Variants in LRP2 observed in about 807,000 individuals in gnomAD.
LRP2 encodes the protein LDL receptor related protein 2.
Under a neutral mutation model 531.0 loss-of-function variants are expected in LRP2, and 172 were observed. The ratio of observed to expected loss-of-function variants is 0.32; its 90% CI spans 0.29 to 0.37. The LOEUF is 0.37. Among genes scored for constraint, LRP2 ranks in the 10% least tolerant of loss-of-function variants. The pLI, the probability that LRP2 is intolerant of heterozygous loss-of-function variation, is 1.00. For missense variants in LRP2, 5,167 were observed against 5,868.3 expected (o/e 0.88, Z 3.90); for synonymous variants, 1,992 against 2,027.6 (o/e 0.98, Z 0.47).
In LRP2 at chr2:169,243,188, C is replaced by G. The variant is rs1689872599; in HGVS notation, c.3551-116G>C. On this transcript the variant is annotated intron_variant, in intron 23 of 78. Transcript: ENST00000649046. ...TTCTGGAGTACATATGCAGAACATG[C>G]AGGTTTGTTACATAGGTATACACGT... 3.1e-6 allele frequency: 3 copies of G among 958,236 alleles called. No homozygotes were observed. The South Asian group carries it at 4.1e-5, about 13-fold the overall frequency. The allele number at this position is 958,236 out of a possible 1,614,324, so 59.4% of individuals were successfully genotyped here. A position where few individuals can be genotyped will look rare whatever the true frequency, so the allele number is the denominator to read the frequency against.
chr2:169,169,580 G>A, intron 60 of LRP2, 122 bp downstream of exon 60: 1 of 795,456 alleles, frequency 1.3e-6, no homozygotes, highest in South Asian at 1.4e-5. Flanking sequence ...ATCATTATCA[G>A]TGCATGCTGA....
At position 169,175,947 on chromosome 2, in the gene LRP2, A is replaced by C. The variant is rs184447958; in HGVS notation, c.10571+464T>G. Among the ~76,000 whole-genome samples, 4 of 152,356 alleles carry C rather than the reference A, an allele frequency of 2.6e-5. No homozygotes were observed. In the East Asian group the frequency reaches 7.7e-4, roughly 29 times the overall value. ...TATCAATGGGCCTGTGGACATTGTT[A>C]AGAAAATAATCTGTGGCCATGTTTC... On this transcript the variant is annotated intron_variant, in intron 54 of 78. Transcript: ENST00000649046.
At chr2:169,209,729 C>T (rs981875411) in intron 37 of LRP2, 88 bp from the exon 38 acceptor site, 4 of 1,243,124 alleles carry the variant, frequency 3.2e-6, no homozygotes, top group Non-Finnish European at 4.6e-6. Flanking sequence ...CCCTCATTCC[C>T]AACCCCCTGC....
chr2:169,239,897 G>A (rs1295367575), intron 25 of LRP2, 122 bp from the exon 26 acceptor site: 1 of 833,648 alleles, frequency 1.2e-6, no homozygotes, highest in Non-Finnish European at 2.0e-6. Context: ...CCAGACAAGA[G>A]CTAAGTGCAG....
rs765304399 is a variant in LRP2, at chr2:169,181,589, C to T, written c.10028G>A (p.Arg3343His). Residue 3343 changes from arginine to histidine, a missense_variant, in exon 52 of 79, where the codon CGC (arginine) becomes CAC (histidine). Around this residue, in one of 6 missense-constraint regions of LRP2, gnomAD observed 1,129 missense variants for 1,362.7 expected, o/e 0.83. Transcript: ENST00000649046. ...GYLYWADWGHRAYIGRVGMDG... is the reference protein window; with the variant it reads ...GYLYWADWGHHAYIGRVGMDG... Reference sequence around the variant, plus strand: ...CATGCCTACTCTCCCAATGTATGCGCGGTGACCCCAGTCTGCCCAGTAGAG... The same window carrying T: ...CATGCCTACTCTCCCAATGTATGCGTGGTGACCCCAGTCTGCCCAGTAGAG... 66 of 1,613,934 alleles carry T rather than the reference C, an allele frequency of 4.1e-5. No individual in the cohort carries two copies. Among genetic ancestry groups the T allele is most frequent in the Admixed American group, 8.3e-5 (5 of 59,988 alleles).
At chr2:169,324,713 TTAAGA>T (rs1410044550) in intron 1 of LRP2, among the ~76,000 whole-genome samples, 8 of 151,734 alleles carry the variant, frequency 5.3e-5, no homozygotes, top group Non-Finnish European at 1.0e-4. Flanking sequence ...TAAGAATGTG[TTAAGA>T]TAAGATATTA....
At chr2:169,230,316 G>A (rs866767928) in intron 31 of LRP2, among the ~76,000 whole-genome samples, 1 of 152,208 alleles carries the variant, frequency 6.6e-6, no homozygotes, top group African/African-American at 2.4e-5. Flanking sequence ...ATAAGTCTCT[G>A]AGGAAAAATG....
rs779435296 is a variant in LRP2 at position 169,206,003 on chromosome 2, C to G, written c.7556+20G>C. On this transcript the variant is annotated intron_variant, in intron 40 of 78. Transcript: ENST00000649046. ...CAGAAATAAGCAGACAGAAATATAA[C>G]AAGGAAGATGATGGCATACCCTTGG... 1.2e-6 allele frequency: 2 copies of G among 1,613,978 alleles called. No individual in the cohort carries two copies. The highest frequency in any genetic ancestry group is 4.5e-5 in the East Asian group (2 of 44,888).
intron 38 of LRP2, among the ~76,000 whole-genome samples, chr2:169,208,662 G>T (rs889327884): frequency 1.3e-5 from 2 of 151,996 alleles, no homozygotes; most frequent in Non-Finnish European, 2.9e-5. Flanking sequence ...TCACCATGTT[G>T]GTCAGGCTGG....
intron 12 of LRP2, among the ~76,000 whole-genome samples, chr2:169,278,455 G>A (rs761854129): frequency 6.6e-6 from 1 of 151,982 alleles, no homozygotes; most frequent in Non-Finnish European, 1.5e-5. Flanking sequence ...CTGCACTCCA[G>A]CCTGGGCAAC....
intron 1 of LRP2, among the ~76,000 whole-genome samples, chr2:169,352,076 C>T (rs1018471242): frequency 6.6e-6 from 1 of 152,150 alleles, no homozygotes. Flanking sequence ...AAGCATGGAA[C>T]AGACAGCTTC....
chr2:169,223,491 T>A (rs1230858812), intron 33 of LRP2, among the ~76,000 whole-genome samples: 3 of 152,220 alleles, frequency 2.0e-5, no homozygotes, highest in Admixed American at 1.3e-4. Flanking sequence ...AGTTTGGTAG[T>A]AAGGGTCTTA....
chr2:169,351,616 A>G (rs1450670664), intron 1 of LRP2, among the ~76,000 whole-genome samples: 1 of 152,210 alleles, frequency 6.6e-6, no homozygotes, highest in African/African-American at 2.4e-5. Context: ...AGCTCACTCT[A>G]CATGTGAGAA....
intron 62 of LRP2, among the ~76,000 whole-genome samples, 189 bp downstream of exon 62, chr2:169,165,743 A>G (rs1001919857): frequency 1.3e-5 from 2 of 152,256 alleles, no homozygotes; most frequent in Non-Finnish European, 2.9e-5. Context: ...ATGAGACAGG[A>G]AGAAACAGGC....
intron 19 of LRP2, 49 bp from the exon 20 acceptor site, chr2:169,247,564 T>C (rs1398921179): frequency 2.5e-6 from 4 of 1,600,584 alleles, no homozygotes; most frequent in Non-Finnish European, 3.4e-6. Flanking sequence ...AGCTAACTTA[T>C]AAATAAATCA....
At chr2:169,285,922 A>T (rs1228616185) in intron 9 of LRP2, among the ~76,000 whole-genome samples, 4 of 152,202 alleles carry the variant, frequency 2.6e-5, no homozygotes, top group Non-Finnish European at 5.9e-5. Flanking sequence ...TAAATGTTGC[A>T]TAGGTTTCCA....
In LRP2 at chr2:169,293,606, C is replaced by A. The variant is rs575321239; in HGVS notation, c.652+542G>T. On this transcript the variant is annotated intron_variant, in intron 6 of 78. Transcript: ENST00000649046. ...AGGAGAACTGCTTGAACCCAGGAGG[C>A]GGAAGTGGCAGTAAGCCGAGATCGC... Among the ~76,000 whole-genome samples the A allele has an allele frequency of 1.1e-4, 16 of 152,204 alleles. No homozygotes were observed. In the East Asian group the frequency reaches 3.1e-3, roughly 29 times the overall value.
intron 33 of LRP2, among the ~76,000 whole-genome samples, chr2:169,222,695 A>C (rs912305893): frequency 1.3e-5 from 2 of 152,250 alleles, no homozygotes; most frequent in African/African-American, 2.4e-5. Flanking sequence ...ATCTGAAAAT[A>C]GAACAATTAT....
intron 1 of LRP2, among the ~76,000 whole-genome samples, chr2:169,352,395 G>C (rs972690193): frequency 6.6e-6 from 1 of 152,140 alleles, no homozygotes; most frequent in African/African-American, 2.4e-5. Context: ...TAGCTAGCTT[G>C]TAACATTCCC....
Sources: gnomAD v4.1 joint callset for allele counts (sites outside exome capture counted in the v4.1 genomes callset) on GRCh38, gnomAD v4.1.1 for gene constraint, gnomAD v4.1.1 regional missense constraint, MANE v1.5 for transcripts, NCBI Gene and HGNC (gene_info 2026-07-23, HGNC 2026-07-21) for gene names.